Variants in CRACDL observed in about 807,000 individuals in gnomAD.
The protein encoded by CRACDL is CRACD-like protein.
In CRACDL, 26 loss-of-function variants were observed where a neutral mutation model predicts 70.6. The observed-to-expected ratio is 0.37, with a 90% CI of 0.27 to 0.51. The LOEUF is 0.51. Among genes scored for constraint, CRACDL ranks in the 20% least tolerant of loss-of-function variants. The pLI is 0.94. For missense variants in CRACDL, 1,283 were observed against 1,376.9 expected, an observed-to-expected ratio of 0.93 and a Z score of 1.08; for synonymous variants, 618 against 615.2, an observed-to-expected ratio of 1.00 and a Z score of -0.07.
intron 2 of CRACDL, among the ~76,000 whole-genome samples, chr2:98,841,277 G>C (rs1030848496): frequency 1.3e-5 from 2 of 151,792 alleles, no homozygotes; most frequent in Admixed American, 1.3e-4. Context: ...AATTTAACTA[G>C]TCCACTCACA....
chr2:98,821,934 G>T lies in CRACDL; in HGVS notation c.2339C>A (p.Pro780His), dbSNP rs549707886. 9.5e-5 allele frequency: 149 copies of T among 1,569,730 alleles called. No individual in the cohort carries two copies. The highest frequency in any genetic ancestry group is 9.5e-6 in the Non-Finnish European group (11 of 1,162,234). The change falls in exon 7 of 10, where the codon CCC becomes CAC. Residue 780 changes from proline to histidine, a missense_variant. Transcript: ENST00000397899. ...SFTLPHQPAP[P>H]DAGPGEREPR... ...TTCCCGCTCTCCCGGGCCGGCGTCG[G>T]GGGGCGCGGGCTGGTGCGGGAGCGT...
chr2:98,878,736 A>G (rs1366820505), intron 1 of CRACDL, among the ~76,000 whole-genome samples: 2 of 152,188 alleles, frequency 1.3e-5, no homozygotes, highest in Admixed American at 6.5e-5. Flanking sequence ...GGATAAACCC[A>G]TCGTAAGCTA....
chr2:98,821,992 G>A lies in CRACDL; in HGVS notation c.2281C>T (p.Pro761Ser). ...TGCAGAAGCGGCTTCCGGGGCAGGG[G>A]CGGCTTGGAGCTGAGCGGCTCGGGG... ...RPPEPLSSKP[P>S]LPRKPLLQSF... The change falls in exon 7 of 10, where the codon CCC (proline) becomes TCC (serine). Residue 761 changes from proline (P) to serine (S), a missense_variant. Pro to Ser is a moderately conservative substitution (Grantham distance 74). Transcript: ENST00000397899. The A allele has an allele frequency of 6.5e-7, 1 of 1,529,742 alleles. No individual in the cohort carries two copies. Among genetic ancestry groups the A allele is most frequent in the Non-Finnish European group, 8.8e-7 (1 of 1,138,664 alleles). The allele number at this position is 1,529,742 out of a possible 1,614,324, so 94.8% of individuals were successfully genotyped here. A position where few individuals can be genotyped will look rare whatever the true frequency, so the allele number is the denominator to read the frequency against.
chr2:98,834,751 A>G lies in CRACDL; in HGVS notation c.240-1754T>C, dbSNP rs151035835. Among the ~76,000 whole-genome samples, 1,300 of 152,322 alleles carry G rather than the reference A, an allele frequency of 8.5e-3. 16 individuals are homozygous for G. The highest frequency in any genetic ancestry group is 0.025 in the African/African-American group (1,038 of 41,550). ...AATAAAACAATCTCTAAAACTAGAAAACAAACACAAACAAATAAATCTAAT... is the reference window on the plus strand; with the variant it reads ...AATAAAACAATCTCTAAAACTAGAAGACAAACACAAACAAATAAATCTAAT... On this transcript the variant is annotated intron_variant, in intron 3 of 9. Coordinates refer to ENST00000397899, the MANE Select transcript of CRACDL (RefSeq NM_207362.3).
At chr2:98,831,756 G>GC in intron 5 of CRACDL, among the ~76,000 whole-genome samples, 1 of 152,252 alleles carries the variant, frequency 6.6e-6, no homozygotes, top group South Asian at 2.1e-4. Context: ...GTTCCTCGGG[G>GC]CCCCCCTCTT....
intron 1 of CRACDL, among the ~76,000 whole-genome samples, chr2:98,865,094 T>G (rs550651298): frequency 6.6e-6 from 1 of 152,182 alleles, no homozygotes; most frequent in South Asian, 2.1e-4. Flanking sequence ...GAGGAGGTGG[T>G]GGGCTGGACT....
chr2:98,796,443 A>G (rs1328032548), intron 8 of CRACDL, among the ~76,000 whole-genome samples, 179 bp from the exon 9 acceptor site: 1 of 152,178 alleles, frequency 6.6e-6, no homozygotes, highest in Non-Finnish European at 1.5e-5. Flanking sequence ...TGGCGCTGGG[A>G]CCAGTATGCG....
chr2:98,910,043 A>G (rs1039730784), intron 1 of CRACDL, among the ~76,000 whole-genome samples: 2 of 152,084 alleles, frequency 1.3e-5, no homozygotes, highest in African/African-American at 4.8e-5. Context: ...CACTTTCCCT[A>G]TAACTTGGCA....
At chr2:98,855,418 T>C (rs1170321198) in intron 1 of CRACDL, among the ~76,000 whole-genome samples, 1 of 152,072 alleles carries the variant, frequency 6.6e-6, no homozygotes, top group Non-Finnish European at 1.5e-5. Context: ...AATAAGGATA[T>C]ATCACGAGGC....
intron 6 of CRACDL, among the ~76,000 whole-genome samples, chr2:98,826,613 C>T (rs142381434): frequency 2.1e-4 from 32 of 152,178 alleles, no homozygotes; most frequent in Middle Eastern, 3.4e-3. Flanking sequence ...GTGGCCAGAA[C>T]GCTGAGTGAG....
chr2:98,806,299 C>T (rs1260427571), intron 7 of CRACDL, among the ~76,000 whole-genome samples: 1 of 152,226 alleles, frequency 6.6e-6, no homozygotes, highest in Non-Finnish European at 1.5e-5. Context: ...AAAAAACAAT[C>T]GTTGAGTCAC....
chr2:98,903,030 A>G (rs1460110220), intron 1 of CRACDL, among the ~76,000 whole-genome samples: 4 of 151,932 alleles, frequency 2.6e-5, no homozygotes, highest in African/African-American at 9.7e-5. Context: ...ACACTCTCCC[A>G]ACTGCACAGC....
intron 2 of CRACDL, among the ~76,000 whole-genome samples, 192 bp downstream of exon 2, chr2:98,846,539 C>T (rs942725068): frequency 1.3e-5 from 2 of 152,168 alleles, no homozygotes; most frequent in African/African-American, 4.8e-5. Flanking sequence ...AGGAAATCTG[C>T]CCCGAGCAGC....
At chr2:98,872,814 G>A (rs75141330) in intron 1 of CRACDL, among the ~76,000 whole-genome samples, 5,719 of 152,140 alleles carry the variant, frequency 0.038, 305 homozygotes, top group East Asian at 0.13. Flanking sequence ...TTTTATTTTC[G>A]TAAAGCTCTT....
At chr2:98,861,164 T>G (rs780865594) in intron 1 of CRACDL, among the ~76,000 whole-genome samples, 10 of 152,162 alleles carry the variant, frequency 6.6e-5, no homozygotes, top group Non-Finnish European at 1.2e-4. Context: ...CTGGCCAACA[T>G]GGTGAAACCC....
At chr2:98,903,163 A>G (rs549263156) in intron 1 of CRACDL, among the ~76,000 whole-genome samples, 10 of 152,066 alleles carry the variant, frequency 6.6e-5, no homozygotes, top group South Asian at 2.1e-4. Context: ...CGGAGAGCTC[A>G]CTTCTCCGAG....
intron 2 of CRACDL, among the ~76,000 whole-genome samples, chr2:98,845,371 A>T (rs1366792802): frequency 6.6e-6 from 1 of 151,476 alleles, no homozygotes; most frequent in African/African-American, 2.4e-5. Flanking sequence ...CAATTTTTAA[A>T]TTTTTTTGTA....
chr2:98,894,427 A>G (rs1182168087), intron 1 of CRACDL, among the ~76,000 whole-genome samples: 1 of 152,204 alleles, frequency 6.6e-6, no homozygotes, highest in Non-Finnish European at 1.5e-5. Context: ...GTGGCCATAT[A>G]AAATAGCCGG....
At position 98,844,856 on chromosome 2, in the gene CRACDL, C is replaced by T. The variant is rs1205290050; in HGVS notation, c.70+1875G>A. ...TCTGAAAAGTACCTGGGTTTGCATC[C>T]AGTCTAGAAGCAATATTAATCAAGT... On this transcript the variant is annotated intron_variant, in intron 2 of 9. Transcript: ENST00000397899. Among the ~76,000 whole-genome samples the T allele has an allele frequency of 2.6e-5, 4 of 152,190 alleles. No individual in the cohort carries two copies. In the East Asian group the frequency reaches 7.7e-4, roughly 29 times the overall value.
Sources: allele counts gnomAD v4.1 joint callset (sites outside exome capture counted in the v4.1 genomes callset), GRCh38; gene constraint gnomAD v4.1.1; transcripts MANE v1.5; gene names NCBI Gene and HGNC (gene_info 2026-07-23, HGNC 2026-07-21).